CAMK2N1: variants seen among roughly 807,000 people sequenced by gnomAD.
CAMK2N1 encodes the protein calcium/calmodulin dependent protein kinase II inhibitor 1.
A neutral mutation model predicts 6.4 loss-of-function variants in CAMK2N1; 2 were observed. That is an observed-to-expected ratio of 0.31 (90% CI 0.13 to 0.98). CAMK2N1 has a LOEUF of 0.98. CAMK2N1 is among the 50% of genes least tolerant of loss of function. CAMK2N1 has a pLI of 0.51. For missense variants in CAMK2N1, 77 were observed against 107.3 expected, an observed-to-expected ratio of 0.72 and a Z score of 1.25; for synonymous variants, 42 against 47.5, an observed-to-expected ratio of 0.88 and a Z score of 0.47.
rs1295704171 is a variant in CAMK2N1, at chr1:20,482,421, A to T, written c.*1228T>A. Reference sequence around the variant, plus strand: ...CACAGGAACAATTCTTTTATTGTACATTGGAGAAATAGCCCTGTGTGCTGG... The same window carrying T: ...CACAGGAACAATTCTTTTATTGTACTTTGGAGAAATAGCCCTGTGTGCTGG... On this transcript the variant is annotated 3_prime_UTR_variant, in exon 2 of 2. Transcript: ENST00000375078. 1 of 141,788 alleles carries T rather than the reference A, an allele frequency of 7.1e-6. No individual in the cohort carries two copies. The highest frequency in any genetic ancestry group is 2.2e-4 in the East Asian group (1 of 4,592). 8.8% of individuals were successfully genotyped at this position (141,788 alleles called of 1,614,324 possible).
rs1010504529 is a variant in CAMK2N1, at chr1:20,485,603, G to C, written c.-224C>G. ...CGCGGCTGCGCTGCGCTGCGCTCCG[G>C]CTCCGCGCGCGAGTGGCTGCTGCTC... On this transcript the variant is annotated 5_prime_UTR_variant, in exon 1 of 2. Coordinates refer to ENST00000375078, the MANE Select transcript of CAMK2N1 (RefSeq NM_018584.6). The surrounding 1 kb of genome is among the most constrained non-coding windows in gnomAD (Gnocchi z 8.4). 6.6e-6 allele frequency: 1 copy of C among 152,488 alleles called. No individual in the cohort carries two copies. The highest frequency in any genetic ancestry group is 2.0e-4 in the East Asian group (1 of 5,094). The allele number at this position is 152,488 out of a possible 1,614,324, so 9.4% of individuals were successfully genotyped here.
rs1477059940 is a variant in CAMK2N1, at chr1:20,484,961, C to G, written c.166+253G>C. On this transcript the variant is annotated intron_variant, in intron 1 of 1. Coordinates refer to ENST00000375078, the MANE Select transcript of CAMK2N1 (RefSeq NM_018584.6). The surrounding 1 kb of genome is among the most constrained non-coding windows in gnomAD (Gnocchi z 6.8). ...GCGCAAATCAAAAAGCAAACTTTGC[C>G]GCGCGGGTGGAGACCCCCAGCTGCT... Among the ~76,000 whole-genome samples the G allele has an allele frequency of 6.6e-6, 1 of 152,148 alleles. No homozygotes were observed. Among genetic ancestry groups the G allele is most frequent in the Non-Finnish European group, 1.5e-5 (1 of 68,016 alleles).
Position 20,483,153 on chromosome 1 carries a change from C to G in CAMK2N1, c.*496G>C, listed in dbSNP as rs575872489. Reference sequence around the variant, plus strand: ...ACATAAAAAAAATAAAACTGGACAGCATTTCACATCCAAGTGCACAGAACC... The same window carrying G: ...ACATAAAAAAAATAAAACTGGACAGGATTTCACATCCAAGTGCACAGAACC... On this transcript the variant is annotated 3_prime_UTR_variant, in exon 2 of 2. Coordinates refer to ENST00000375078, the MANE Select transcript of CAMK2N1 (RefSeq NM_018584.6). The G allele has an allele frequency of 2.0e-5, 3 of 152,678 alleles. No individual in the cohort carries two copies. In the East Asian group the frequency reaches 5.8e-4, roughly 29 times the overall value. The allele number at this position is 152,678 out of a possible 1,614,324, so 9.5% of individuals were successfully genotyped here.
In CAMK2N1 at chr1:20,484,868, C is replaced by A. The variant is rs994184555; in HGVS notation, c.166+346G>T. On this transcript the variant is annotated intron_variant, in intron 1 of 1. Coordinates refer to ENST00000375078, the MANE Select transcript of CAMK2N1 (RefSeq NM_018584.6). The surrounding 1 kb of genome is among the most constrained non-coding windows in gnomAD (Gnocchi z 6.8). ...CGCCGTCCCCTGGGGGTCCCTGGGACCCCCTCCCCACAGGGTTATGGAGCG... is the reference window on the plus strand; with the variant it reads ...CGCCGTCCCCTGGGGGTCCCTGGGAACCCCTCCCCACAGGGTTATGGAGCG... Among the ~76,000 whole-genome samples the A allele has an allele frequency of 6.6e-6, 1 of 152,190 alleles. No homozygotes were observed. Among genetic ancestry groups the A allele is most frequent in the African/African-American group, 2.4e-5 (1 of 41,470 alleles).
rs2051499672 is a variant in CAMK2N1 at position 20,485,080 on chromosome 1, G to A, written c.166+134C>T. 1.9e-6 allele frequency: 2 copies of A among 1,046,606 alleles called. No homozygotes were observed. Among genetic ancestry groups the A allele is most frequent in the East Asian group, 3.2e-5 (1 of 31,236 alleles). 64.8% of individuals were successfully genotyped at this position (1,046,606 alleles called of 1,614,324 possible). ...CCCGCTTCAGCCGGACCCGCAGTGC[G>A]GGATCCCCCAATTCTGCAAGAAGGG... On this transcript the variant is annotated intron_variant, in intron 1 of 1. Transcript: ENST00000375078. This position sits in a 1 kb window ranked among gnomAD's most constrained non-coding sequence, Gnocchi z 8.4.
Position 20,485,380 on chromosome 1 carries a change from G to T in CAMK2N1, c.-1C>A. 1 of 1,375,986 alleles carries T rather than the reference G, an allele frequency of 7.3e-7. No homozygotes were observed. The allele number at this position is 1,375,986 out of a possible 1,614,324, so 85.2% of individuals were successfully genotyped here. A position where few individuals can be genotyped will look rare whatever the true frequency, so the allele number is the denominator to read the frequency against. On this transcript the variant is annotated 5_prime_UTR_variant, in exon 1 of 2. Transcript: ENST00000375078. This position sits in a 1 kb window ranked among gnomAD's most constrained non-coding sequence, Gnocchi z 8.4. ...CGCCGTAGGGCAGCACCTCCGACAT[G>T]GTCGCGTCCGGGGGCTCCGCCGCGG...
At position 20,485,215 on chromosome 1, in the gene CAMK2N1, C is replaced by A; in HGVS notation, c.165G>T (p.Arg55=). ...PKLGQIGRSK[R]VVIEDDRIDD... is the part of the protein sequence containing the mutation. ...CAGACAAGGGGGCCGCGAACTCACC[C>A]CGCTTGCTCCGGCCGATCTGGCCCA... The change falls in exon 1 of 2, where the codon CGG becomes CGT. Residue 55 remains arginine, a splice_region_variant and synonymous_variant. Coordinates refer to ENST00000375078, the MANE Select transcript of CAMK2N1 (RefSeq NM_018584.6). The surrounding 1 kb of genome is among the most constrained non-coding windows in gnomAD (Gnocchi z 8.4). 6.3e-7 allele frequency: 1 copy of A among 1,593,466 alleles called. No individual in the cohort carries two copies. The highest frequency in any genetic ancestry group is 1.1e-5 in the South Asian group (1 of 88,786).
rs747653982 is a variant in CAMK2N1 at position 20,484,685 on chromosome 1, T to A, written c.166+529A>T. On this transcript the variant is annotated intron_variant, in intron 1 of 1. Transcript: ENST00000375078. The surrounding 1 kb of genome is among the most constrained non-coding windows in gnomAD (Gnocchi z 6.8). ...CGTCTCTGGAGCTCCTCTCGGAGCC[T>A]CTCTGCGTCTCCGCCTCTCTGGGGC... 6.6e-6 allele frequency: 1 copy of A among 152,540 alleles called. No homozygotes were observed. Among genetic ancestry groups the A allele is most frequent in the Non-Finnish European group, 1.5e-5 (1 of 68,378 alleles). 9.4% of individuals were successfully genotyped at this position (152,540 alleles called of 1,614,324 possible).
At position 20,482,965 on chromosome 1, in the gene CAMK2N1, C is replaced by A. The variant is rs2051480580; in HGVS notation, c.*684G>T. ...GCTTGCAGCAACAAAGAAACACAAGCTTTACAACTCATTTTAAAATAAAAT... is the reference window on the plus strand; with the variant it reads ...GCTTGCAGCAACAAAGAAACACAAGATTTACAACTCATTTTAAAATAAAAT... On this transcript the variant is annotated 3_prime_UTR_variant, in exon 2 of 2. Coordinates refer to ENST00000375078, the MANE Select transcript of CAMK2N1 (RefSeq NM_018584.6). 6.6e-6 allele frequency: 1 copy of A among 151,784 alleles called. No homozygotes were observed. The highest frequency in any genetic ancestry group is 2.4e-5 in the African/African-American group (1 of 41,260). The allele number at this position is 151,784 out of a possible 1,614,324, so 9.4% of individuals were successfully genotyped here.
Position 20,483,723 on chromosome 1 carries a change from C to CA in CAMK2N1, c.167-5dup, listed in dbSNP as rs749065372. ...ATCCTATCATCTTCAATAACAACTGCAAAAAAAGGGGGGAAAAGAGAGGTG... is the reference window on the plus strand; with the variant it reads ...ATCCTATCATCTTCAATAACAACTGCAAAAAAAAGGGGGGAAAAGAGAGGTG... On this transcript the variant is annotated splice_polypyrimidine_tract_variant and splice_region_variant and intron_variant, in intron 1 of 1. Transcript: ENST00000375078. 64 of 1,613,452 alleles carry CA rather than the reference C, an allele frequency of 4.0e-5. No homozygotes were observed. In the African/African-American group the frequency reaches 7.3e-4, roughly 19 times the overall value.
rs773958625 is a variant in CAMK2N1 at position 20,485,358 on chromosome 1, C to G, written c.22G>C (p.Gly8Arg). The G allele has an allele frequency of 3.5e-5, 53 of 1,499,604 alleles. No homozygotes were observed. The highest frequency in any genetic ancestry group is 4.3e-5 in the Non-Finnish European group (48 of 1,123,414). The allele number at this position is 1,499,604 out of a possible 1,614,324, so 92.9% of individuals were successfully genotyped here. A position where few individuals can be genotyped will look rare whatever the true frequency, so the allele number is the denominator to read the frequency against. The change falls in exon 1 of 2, where the codon GGC (glycine) becomes CGC (arginine). Residue 8 changes from glycine to arginine, a missense_variant. Physicochemically the swap from Gly to Arg is moderately radical, Grantham distance 125. Transcript: ENST00000375078. The surrounding 1 kb of genome is among the most constrained non-coding windows in gnomAD (Gnocchi z 8.4). ...CCGTAGGGGCTCAGCTTCTCGTCGC[C>G]GTAGGGCAGCACCTCCGACATGGTC... MSEVLPY[G>R]DEKLSPYGDG...
rs1353895049 is a variant in CAMK2N1, at chr1:20,484,411, C to T, written c.167-692G>A. ...CTTTCTCAGTCCCTCCATCGTCCCT[C>T]GGCGCGACGGCCGGCAGCCGATCGA... On this transcript the variant is annotated intron_variant, in intron 1 of 1. Transcript: ENST00000375078. The surrounding 1 kb of genome is among the most constrained non-coding windows in gnomAD (Gnocchi z 6.8). 1 of 152,326 alleles carries T rather than the reference C, an allele frequency of 6.6e-6. No individual in the cohort carries two copies. Among genetic ancestry groups the T allele is most frequent in the Non-Finnish European group, 1.5e-5 (1 of 68,124 alleles). The allele number at this position is 152,326 out of a possible 1,614,324, so 9.4% of individuals were successfully genotyped here.
In CAMK2N1 at chr1:20,485,266, G is replaced by C; in HGVS notation, c.114C>G (p.Ala38=). 6.3e-7 allele frequency: 1 copy of C among 1,597,834 alleles called. No homozygotes were observed. Among genetic ancestry groups the C allele is most frequent in the Middle Eastern group, 1.7e-4 (1 of 5,772 alleles). Reference sequence around the variant, plus strand: ...GCTTGGGCGGCCGCTTGTTCTGCCCGGCGCCGAAGAAGTTGTTGGTGTCCT... The same window carrying C: ...GCTTGGGCGGCCGCTTGTTCTGCCCCGCGCCGAAGAAGTTGTTGGTGTCCT... ...RLQDTNNFFG[A]GQNKRPPKLG... Residue 38 remains alanine, a synonymous_variant, in exon 1 of 2, where the codon GCC becomes GCG. Transcript: ENST00000375078. This position sits in a 1 kb window ranked among gnomAD's most constrained non-coding sequence, Gnocchi z 8.4.
At position 20,484,673 on chromosome 1, in the gene CAMK2N1, C is replaced by T. The variant is rs1263566562; in HGVS notation, c.166+541G>A. On this transcript the variant is annotated intron_variant, in intron 1 of 1. Coordinates refer to ENST00000375078, the MANE Select transcript of CAMK2N1 (RefSeq NM_018584.6). The surrounding 1 kb of genome is among the most constrained non-coding windows in gnomAD (Gnocchi z 6.8). ...TCATTGTCCCCGCGTCTCTGGAGCT[C>T]CTCTCGGAGCCTCTCTGCGTCTCCG... The T allele has an allele frequency of 2.0e-5, 3 of 152,520 alleles. No individual in the cohort carries two copies. The highest frequency in any genetic ancestry group is 7.2e-5 in the African/African-American group (3 of 41,448). The allele number at this position is 152,520 out of a possible 1,614,324, so 9.4% of individuals were successfully genotyped here.
In CAMK2N1 at chr1:20,485,311, C is replaced by G; in HGVS notation, c.69G>C (p.Gln23His). Residue 23 changes from glutamine to histidine, a missense_variant, in exon 1 of 2, where the codon CAG (glutamine) becomes CAC (histidine). Transcript: ENST00000375078. The surrounding 1 kb of genome is among the most constrained non-coding windows in gnomAD (Gnocchi z 8.4). ...SPYGDGGDVG[Q>H]IFSCRLQDTN... ...TGTCCTGCAGGCGGCAGGAGAAGAT[C>G]TGGCCCACGTCGCCGCCGTCGCCGT... 1 of 1,591,420 alleles carries G rather than the reference C, an allele frequency of 6.3e-7. No individual in the cohort carries two copies. Among genetic ancestry groups the G allele is most frequent in the Non-Finnish European group, 8.5e-7 (1 of 1,171,832 alleles).
At position 20,483,424 on chromosome 1, in the gene CAMK2N1, AT is replaced by A. The variant is rs1473119090; in HGVS notation, c.*224del. On this transcript the variant is annotated 3_prime_UTR_variant, in exon 2 of 2. Transcript: ENST00000375078. ...TTTTATTATTTTTAAAATTTTATTT[AT>A]TTTTTTATTTTTATTTTTGCAGAGG... 1 of 303,736 alleles carries A rather than the reference AT, an allele frequency of 3.3e-6. No homozygotes were observed. Among genetic ancestry groups the A allele is most frequent in the East Asian group, 5.5e-5 (1 of 18,242 alleles). The allele number at this position is 303,736 out of a possible 1,614,324, so 18.8% of individuals were successfully genotyped here. A position where few individuals can be genotyped will look rare whatever the true frequency, so the allele number is the denominator to read the frequency against.
rs1201430436 is a variant in CAMK2N1, at chr1:20,482,529, C to A, written c.*1120G>T. 6.6e-6 allele frequency: 1 copy of A among 152,516 alleles called. No individual in the cohort carries two copies. The highest frequency in any genetic ancestry group is 1.5e-5 in the Non-Finnish European group (1 of 68,006). 9.4% of individuals were successfully genotyped at this position (152,516 alleles called of 1,614,324 possible). ...GGAAACCTCTTGAGGTCCAAAGTTG[C>A]AAACAAAAAATGGTAAAAGATTTCC... is the stretch of plus-strand genomic sequence containing the variant. On this transcript the variant is annotated 3_prime_UTR_variant, in exon 2 of 2. Transcript: ENST00000375078.
At chr1:20,483,826 A>G in intron 1 of CAMK2N1, 107 bp from the exon 2 acceptor site, 1 of 975,092 alleles carries the variant, frequency 1.0e-6, no homozygotes, top group Non-Finnish European at 1.6e-6. Flanking sequence ...GGAGAGGGCG[A>G]GGGAGCAGGG....
chr1:20,482,734 A>AT lies in CAMK2N1; in HGVS notation c.*914dup, dbSNP rs922790342. On this transcript the variant is annotated 3_prime_UTR_variant, in exon 2 of 2. Transcript: ENST00000375078. ...AGATATTTGGCACTCTTGTGATTAC[A>AT]TTTTTTTACAGTCCATTAAAGAGAA... 2.0e-5 allele frequency: 3 copies of AT among 152,342 alleles called. No individual in the cohort carries two copies. The highest frequency in any genetic ancestry group is 2.1e-4 in the South Asian group (1 of 4,826). The allele number at this position is 152,342 out of a possible 1,614,324, so 9.4% of individuals were successfully genotyped here.
Sources: allele counts gnomAD v4.1 joint callset (sites outside exome capture counted in the v4.1 genomes callset), GRCh38; gene constraint gnomAD v4.1.1; non-coding constraint Gnocchi (gnomAD v3.1); transcripts MANE v1.5; gene names NCBI Gene and HGNC (gene_info 2026-07-23, HGNC 2026-07-21).